Variants in EXOC3 observed in about 807,000 individuals in gnomAD.
EXOC3 encodes the protein exocyst complex component 3, also known as SEC6-like 1.
EXOC3 carries 21 observed loss-of-function variants against 73.7 expected under a neutral mutation model. The ratio of observed to expected loss-of-function variants is 0.29; its 90% CI spans 0.20 to 0.41. The LOEUF (loss-of-function observed/expected upper bound fraction) is 0.41, where lower values mean the gene tolerates loss of function less well. Among genes scored for constraint, EXOC3 ranks in the 10% least tolerant of loss-of-function variants. The probability of loss-of-function intolerance (pLI) is 1.00; values close to 1 mark genes in which losing one functional copy is unlikely to be tolerated. For synonymous variants in EXOC3, 410 were observed against 389.1 expected, an observed-to-expected ratio of 1.05 and a Z score of -0.63; for missense variants, 842 against 985.1, an observed-to-expected ratio of 0.85 and a Z score of 1.95.
At chr5:464,536 C>A in intron 10 of EXOC3, 124 bp downstream of exon 10, 2 of 1,085,584 alleles carry the variant, frequency 1.8e-6, no homozygotes, top group South Asian at 1.3e-5. Context: ...CCTATCAGCC[C>A]AAGGGAGGCA....
chr5:454,094 C>T (rs759008927), intron 4 of EXOC3, 43 bp downstream of exon 4: 17 of 1,497,604 alleles, frequency 1.1e-5, no homozygotes, highest in Admixed American at 2.1e-5. Flanking sequence ...AGGTAGAAGC[C>T]GTGTGTGAGA....
chr5:465,473 G>A (rs563175287), intron 11 of EXOC3, among the ~76,000 whole-genome samples: 27 of 152,222 alleles, frequency 1.8e-4, no homozygotes, highest in South Asian at 6.2e-4. Context: ...CCGGCTTCCC[G>A]AGGCCGCCCA....
chr5:459,297 C>G, intron 6 of EXOC3, 62 bp from the exon 7 acceptor site: 3 of 791,614 alleles, frequency 3.8e-6, no homozygotes, highest in Non-Finnish European at 5.8e-6. Context: ...TAACAGCAAA[C>G]CTGCACTCTT....
intron 4 of EXOC3, among the ~76,000 whole-genome samples, chr5:455,264 C>T (rs1444047766): frequency 6.6e-6 from 1 of 152,254 alleles, no homozygotes; most frequent in African/African-American, 2.4e-5. Flanking sequence ...CGGGCCATGG[C>T]CACTAGGCTG....
chr5:455,237 C>T (rs1737775765), intron 4 of EXOC3, among the ~76,000 whole-genome samples: 1 of 152,238 alleles, frequency 6.6e-6, no homozygotes, highest in African/African-American at 2.4e-5. Context: ...GATTCCAGTC[C>T]CATCCCTGGG....
chr5:466,123 G>A (rs1313061145), intron 12 of EXOC3: 2 of 353,140 alleles, frequency 5.7e-6, no homozygotes, highest in African/African-American at 4.3e-5. Context: ...CAGCTCTGCT[G>A]TGTGTGGTGG....
chr5:467,221 C>G lies in EXOC3; in HGVS notation c.*323C>G, dbSNP rs1033817152. The G allele has an allele frequency of 3.2e-6, 1 of 316,750 alleles. No individual in the cohort carries two copies. Among genetic ancestry groups the G allele is most frequent in the Non-Finnish European group, 5.8e-6 (1 of 172,240 alleles). 19.6% of individuals were successfully genotyped at this position (316,750 alleles called of 1,614,324 possible). ...TGCCCTCCTCCTCCCTGGGCCTTCA[C>G]CGCACCCCATCTGCTTAAGTGCTCG... On this transcript the variant is annotated 3_prime_UTR_variant, in exon 13 of 13. Transcript: ENST00000512944.
Position 465,096 on chromosome 5 carries a change from C to T in EXOC3, c.1777-15C>T, listed in dbSNP as rs948382496. On this transcript the variant is annotated splice_polypyrimidine_tract_variant and intron_variant, in intron 10 of 12. Transcript: ENST00000512944. Reference sequence around the variant, plus strand: ...GAGCCGTGGAGCCTGCCGCTGACCGCGCGTGTCTCCCCAGAGGATGACGGC... The same window carrying T: ...GAGCCGTGGAGCCTGCCGCTGACCGTGCGTGTCTCCCCAGAGGATGACGGC... The T allele has an allele frequency of 4.5e-6, 7 of 1,548,786 alleles. No individual in the cohort carries two copies. The highest frequency in any genetic ancestry group is 2.4e-5 in the East Asian group (1 of 41,844).
intron 3 of EXOC3, among the ~76,000 whole-genome samples, chr5:448,997 T>C (rs1462510756): frequency 1.3e-5 from 2 of 152,270 alleles, no homozygotes; most frequent in African/African-American, 4.8e-5. Flanking sequence ...GATGCTCAGC[T>C]GGCAGCTTTC....
intron 4 of EXOC3, among the ~76,000 whole-genome samples, chr5:456,387 C>T (rs1420366423): frequency 6.2e-5 from 5 of 80,834 alleles, no homozygotes; most frequent in Non-Finnish European, 5.0e-5. Flanking sequence ...ACGTGGCGCC[C>T]GTGGCTGTGG....
In EXOC3 at chr5:465,129, C is replaced by G. The variant is rs1329590724; in HGVS notation, c.1795C>G (p.His599Asp). 6.3e-7 allele frequency: 1 copy of G among 1,587,924 alleles called. No homozygotes were observed. Among genetic ancestry groups the G allele is most frequent in the South Asian group, 1.1e-5 (1 of 87,426 alleles). ...PYKKRMTAEA[H>D]RRVVVEYLRA... The stretch of plus-strand genomic sequence containing the variant: ...TCCCCAGAGGATGACGGCCGAGGCG[C>G]ACCGGCGCGTGGTGGTGGAGTACCT... The change falls in exon 11 of 13, where the codon CAC becomes GAC. Residue 599 changes from histidine to aspartate, a missense_variant. Coordinates refer to ENST00000512944, the MANE Select transcript of EXOC3 (RefSeq NM_007277.5).
chr5:461,916 A>G (rs1213388643), intron 7 of EXOC3, 44 bp from the exon 8 acceptor site: 6 of 1,404,360 alleles, frequency 4.3e-6, no homozygotes, highest in South Asian at 3.7e-5. Context: ...AAACAGCTCC[A>G]TGTTGCCCTT....
rs373080314 is a variant in EXOC3, at chr5:443,259, C to T, written c.-88C>T. ...GCGGCGGCGGCGGCGGCGGCGGCGG[C>T]GGCGGCGGCGGCGGCGGCGTAGCCG... On this transcript the variant is annotated 5_prime_UTR_variant, in exon 1 of 13. Coordinates refer to ENST00000512944, the MANE Select transcript of EXOC3 (RefSeq NM_007277.5). 9 of 25,130 alleles carry T rather than the reference C, an allele frequency of 3.6e-4. 2 individuals carry two copies. Among genetic ancestry groups the T allele is most frequent in the Admixed American group, 8.5e-4 (2 of 2,344 alleles). The allele number at this position is 25,130 out of a possible 1,614,324, so 1.6% of individuals were successfully genotyped here.
chr5:457,262 G>T (rs1560938362), intron 5 of EXOC3: 4 of 500,310 alleles, frequency 8.0e-6, no homozygotes, highest in Non-Finnish European at 1.1e-5. Context: ...CGGCAGGCTG[G>T]CCAGGGCCCA....
intron 3 of EXOC3, among the ~76,000 whole-genome samples, chr5:449,403 CTT>C (rs1178540375): frequency 1.3e-5 from 2 of 152,218 alleles, no homozygotes; most frequent in Non-Finnish European, 2.9e-5. Context: ...CTTCAGAACT[CTT>C]TTCATCTTGC....
rs773857614 is a variant in EXOC3, at chr5:461,968, A to T, written c.1400A>T (p.Asp467Val). Residue 467 changes from aspartate to valine, a missense_variant, in exon 8 of 13, where the codon GAT becomes GTT. Physicochemically the swap from Asp to Val is radical, Grantham distance 152. Transcript: ENST00000512944. ...AGCCTGTCTGTCCTCAGATATAAAG[A>T]TGAAGCGCAGCTGTATAAAGAAGAG... ...QMNSFLSRYK[D>V]EAQLYKEEHL... 2.5e-6 allele frequency: 4 copies of T among 1,589,108 alleles called. No homozygotes were observed. Among genetic ancestry groups the T allele is most frequent in the Non-Finnish European group, 3.4e-6 (4 of 1,167,470 alleles).
At chr5:446,650 G>T (rs1737516892) in intron 2 of EXOC3, among the ~76,000 whole-genome samples, 2 of 152,178 alleles carry the variant, frequency 1.3e-5, no homozygotes, top group South Asian at 4.1e-4. Context: ...CTGAGGTCAG[G>T]AGTTCAAGAC....
At chr5:465,452 C>T (rs548392834) in intron 11 of EXOC3, among the ~76,000 whole-genome samples, 180 bp downstream of exon 11, 1 of 152,336 alleles carries the variant, frequency 6.6e-6, no homozygotes, top group South Asian at 2.1e-4. Flanking sequence ...GAGGTAGACG[C>T]GCCGGCCCCG....
At chr5:450,614 T>C (rs1053057763) in intron 3 of EXOC3, among the ~76,000 whole-genome samples, 1 of 152,190 alleles carries the variant, frequency 6.6e-6, no homozygotes, top group Non-Finnish European at 1.5e-5. Context: ...CTGTCCATTA[T>C]TGAGAGAGAG....
Sources: allele counts gnomAD v4.1 joint callset (sites outside exome capture counted in the v4.1 genomes callset), GRCh38; gene constraint gnomAD v4.1.1; transcripts MANE v1.5; gene names NCBI Gene and HGNC (gene_info 2026-07-23, HGNC 2026-07-21).